The following KPNA6 variants were observed in gnomAD, a reference collection of about 807,000 sequenced individuals.
KPNA6 encodes karyopherin subunit alpha 6.
KPNA6 carries 9 observed loss-of-function variants against 72.0 expected under a neutral mutation model. The observed-to-expected ratio is 0.13, with a 90% CI of 0.08 to 0.22. The LOEUF is 0.22. Ranked by LOEUF, KPNA6 falls within the 10% of genes least tolerant of loss-of-function variation. KPNA6 has a pLI of 1.00. For missense variants in KPNA6, 374 were observed against 655.7 expected (o/e 0.57, Z 4.69); for synonymous variants, 219 against 242.1 (o/e 0.90, Z 0.89).
At chr1:32,151,495 AT>A (rs200034954) in intron 1 of KPNA6, among the ~76,000 whole-genome samples, 25 of 150,488 alleles carry the variant, frequency 1.7e-4, no homozygotes, top group African/African-American at 5.1e-4. Context: ...AGATTTCCCA[AT>A]TTTTTTTTTC....
intron 1 of KPNA6, among the ~76,000 whole-genome samples, chr1:32,138,111 G>T (rs1641770492): frequency 6.7e-6 from 1 of 149,902 alleles, no homozygotes; most frequent in Non-Finnish European, 1.5e-5. Flanking sequence ...CTCTAGCCTG[G>T]ATGACAAGAG....
chr1:32,131,860 C>T (rs937918311), intron 1 of KPNA6, among the ~76,000 whole-genome samples: 5 of 151,888 alleles, frequency 3.3e-5, no homozygotes, highest in African/African-American at 1.2e-4. Context: ...TCAGGGAATC[C>T]AGCCTGGTCT....
chr1:32,121,949 G>A (rs1162600320), intron 1 of KPNA6, among the ~76,000 whole-genome samples: 1 of 151,702 alleles, frequency 6.6e-6, no homozygotes, highest in Non-Finnish European at 1.5e-5. Flanking sequence ...CTCCAGCCTG[G>A]GTGACAGAGC....
At chr1:32,166,956 A>C (rs1642350946) in intron 11 of KPNA6, among the ~76,000 whole-genome samples, 1 of 152,056 alleles carries the variant, frequency 6.6e-6, no homozygotes, top group South Asian at 2.1e-4. Flanking sequence ...TAAATAAATA[A>C]ATAAATTGGA....
intron 1 of KPNA6, among the ~76,000 whole-genome samples, chr1:32,118,870 T>A (rs1641371818): frequency 6.6e-6 from 1 of 150,970 alleles, no homozygotes; most frequent in Non-Finnish European, 1.5e-5. Context: ...TGTAAAGCAT[T>A]TTAGCTCGGT....
At chr1:32,150,729 T>G (rs938247902) in intron 1 of KPNA6, among the ~76,000 whole-genome samples, 2 of 152,036 alleles carry the variant, frequency 1.3e-5, no homozygotes, top group Non-Finnish European at 1.5e-5. Flanking sequence ...CTGGTTCAAG[T>G]GATTCTCCTG....
chr1:32,165,991 C>T, intron 10 of KPNA6, 114 bp from the exon 11 acceptor site: 2 of 1,207,648 alleles, frequency 1.7e-6, no homozygotes, highest in Non-Finnish European at 2.2e-6. Context: ...GAGCGAGACT[C>T]TGTCTCAAAA....
At chr1:32,119,784 G>A (rs891976574) in intron 1 of KPNA6, among the ~76,000 whole-genome samples, 7 of 142,730 alleles carry the variant, frequency 4.9e-5, no homozygotes, top group East Asian at 2.1e-4. Context: ...TTGCACTGTC[G>A]CCCAGGCTAG....
chr1:32,159,328 T>TC, intron 5 of KPNA6, 72 bp from the exon 6 acceptor site: 2 of 1,538,772 alleles, frequency 1.3e-6, no homozygotes, highest in Non-Finnish European at 1.8e-6. Context: ...GGCTTACTGT[T>TC]CTGAGCCAGC....
chr1:32,128,769 C>G (rs1028060569), intron 1 of KPNA6, among the ~76,000 whole-genome samples: 1 of 152,050 alleles, frequency 6.6e-6, no homozygotes, highest in Non-Finnish European at 1.5e-5. Flanking sequence ...AAACTGTTTT[C>G]TCGTTTGCAA....
intron 1 of KPNA6, among the ~76,000 whole-genome samples, chr1:32,138,874 T>G (rs1246821690): frequency 1.3e-5 from 2 of 152,122 alleles, no homozygotes; most frequent in African/African-American, 2.4e-5. Flanking sequence ...TTCTGAGGTA[T>G]TTGTGTCTTG....
Position 32,171,875 on chromosome 1 carries a change from C to T in KPNA6, c.*981C>T, listed in dbSNP as rs376282693. The T allele has an allele frequency of 1.7e-4, 26 of 152,234 alleles. No homozygotes were observed. In the East Asian group the frequency reaches 2.3e-3, roughly 14 times the overall value. 9.4% of individuals were successfully genotyped at this position (152,234 alleles called of 1,614,324 possible). On this transcript the variant is annotated 3_prime_UTR_variant, in exon 14 of 14. Transcript: ENST00000373625. Reference sequence around the variant, plus strand: ...AGGGGGCTGTGGTCCTTCCTTTCTCCTGAGGAGAAAGTCCTTGCTCTGGTG... The same window carrying T: ...AGGGGGCTGTGGTCCTTCCTTTCTCTTGAGGAGAAAGTCCTTGCTCTGGTG...
At chr1:32,170,454 C>T (rs560866486) in intron 13 of KPNA6, among the ~76,000 whole-genome samples, 3 of 152,246 alleles carry the variant, frequency 2.0e-5, no homozygotes, top group South Asian at 2.1e-4. Flanking sequence ...ATGATGTGCC[C>T]AGGTCATGCT....
rs777173851 is a variant in KPNA6 at position 32,144,951 on chromosome 1, CT to C, written c.5-9621del. ...GTAAGCCACCGCGCCTGGCCTAAAACTTTTTTTTTTTTTTTTCTTGAGATGG... is the reference window on the plus strand; with the variant it reads ...GTAAGCCACCGCGCCTGGCCTAAAACTTTTTTTTTTTTTTTCTTGAGATGG... On this transcript the variant is annotated intron_variant, in intron 1 of 13. Transcript: ENST00000373625. 7.8e-3 allele frequency among the ~76,000 whole-genome samples: 1,059 copies of C among 136,304 alleles called. 8 individuals are homozygous for C. Among genetic ancestry groups the C allele is most frequent in the African/African-American group, 0.019 (720 of 37,372 alleles). The allele number at this position is 136,304 out of a possible 152,430, so 89.4% of individuals were successfully genotyped here.
intron 1 of KPNA6, among the ~76,000 whole-genome samples, chr1:32,112,226 A>G (rs1318724977): frequency 6.6e-6 from 1 of 152,184 alleles, no homozygotes; most frequent in Non-Finnish European, 1.5e-5. Flanking sequence ...TGTGTGAACC[A>G]CAAACAAAGA....
intron 1 of KPNA6, among the ~76,000 whole-genome samples, chr1:32,127,900 G>A (rs1415270650): frequency 6.6e-6 from 1 of 152,108 alleles, no homozygotes; most frequent in Non-Finnish European, 1.5e-5. Context: ...AAGTTGTAAA[G>A]CTTCCTGAAG....
chr1:32,137,665 C>CG (rs1354321533), intron 1 of KPNA6, among the ~76,000 whole-genome samples: 2 of 152,094 alleles, frequency 1.3e-5, no homozygotes, highest in African/African-American at 4.8e-5. Context: ...TTCTTGTTCT[C>CG]AAAGATTTAA....
At chr1:32,141,689 G>A (rs929299634) in intron 1 of KPNA6, among the ~76,000 whole-genome samples, 4 of 151,940 alleles carry the variant, frequency 2.6e-5, no homozygotes, top group South Asian at 2.1e-4. Flanking sequence ...GAGCCACCGT[G>A]CCTGGCCTAT....
chr1:32,149,754 A>G (rs1641995496), intron 1 of KPNA6, among the ~76,000 whole-genome samples: 2 of 152,174 alleles, frequency 1.3e-5, no homozygotes, highest in Non-Finnish European at 2.9e-5. Context: ...TCAGCTAGAG[A>G]AAAAGTCTCT....
Sources: allele counts gnomAD v4.1 joint callset (sites outside exome capture counted in the v4.1 genomes callset), GRCh38; gene constraint gnomAD v4.1.1; transcripts MANE v1.5; gene names NCBI Gene and HGNC (gene_info 2026-07-23, HGNC 2026-07-21).